Variants in POMGNT1 observed in about 807,000 individuals in gnomAD.
POMGNT1 encodes protein O-linked-mannose beta-1,2-N-acetylglucosaminyltransferase 1.
Under a neutral mutation model 95.6 loss-of-function variants are expected in POMGNT1, and 67 were observed. The observed-to-expected ratio is 0.70, with a 90% confidence interval of 0.58 to 0.86. The LOEUF is 0.86. Among genes scored for constraint, POMGNT1 ranks in the 40% least tolerant of loss-of-function variants. The pLI, the probability that POMGNT1 is intolerant of heterozygous loss-of-function variation, is 0.00. For missense variants in POMGNT1, 719 were observed against 855.2 expected (o/e 0.84, Z 1.99); for synonymous variants, 298 against 317.9 (o/e 0.94, Z 0.66).
intron 1 of POMGNT1, among the ~76,000 whole-genome samples, chr1:46,204,020 A>G (rs1264090047): frequency 6.6e-6 from 1 of 152,126 alleles, no homozygotes; most frequent in African/African-American, 2.4e-5. Flanking sequence ...TCCTTCTGCT[A>G]ACCGGGAAAG....
intron 13 of POMGNT1, 37 bp from the exon 14 acceptor site, chr1:46,192,995 T>C (rs755798327): frequency 5.5e-5 from 89 of 1,612,396 alleles, no homozygotes; most frequent in Non-Finnish European, 7.0e-5. Flanking sequence ...CCCAAAGGGG[T>C]CTCTCCATCC....
upstream of POMGNT1, among the ~76,000 whole-genome samples, chr1:46,200,034 G>C (rs998642900): frequency 5.9e-5 from 9 of 152,136 alleles, no homozygotes; most frequent in Non-Finnish European, 1.0e-4. Flanking sequence ...GCTGGGCGTG[G>C]TGACAGGCGC....
Position 46,193,306 on chromosome 1 carries a change from T to C in POMGNT1, c.1109A>G (p.Gln370Arg). 3 of 1,613,784 alleles carry C rather than the reference T, an allele frequency of 1.9e-6. No individual in the cohort carries two copies. The highest frequency in any genetic ancestry group is 2.5e-6 in the Non-Finnish European group (3 of 1,179,898). Residue 370 changes from glutamine to arginine, a missense_variant and splice_region_variant, in exon 12 of 22, where the codon CAG becomes CGG. By Grantham distance (43) the Gln-to-Arg change is conservative. This residue lies in a region of POMGNT1 where 466 missense variants were observed against 517.4 expected (regional missense o/e 0.90). Transcript: ENST00000371984. The stretch of plus-strand genomic sequence containing the variant: ...CATCCCCACTTGCCTATGCAGTACC[T>C]GAGACACGCGGGCATTCTTGATGCT... The part of the protein sequence containing the change: ...PISIKNARVS[Q>R]HYKASLTATF...
upstream of POMGNT1, chr1:46,203,318 C>A (rs941939208): frequency 2.2e-5 from 19 of 869,336 alleles, no homozygotes; most frequent in African/African-American, 3.2e-4. Context: ...CCGCGCCGCG[C>A]GGGCGGGGAC....
intron 10 of POMGNT1, 70 bp downstream of exon 10, chr1:46,193,785 T>C: frequency 6.2e-7 from 1 of 1,604,884 alleles, no homozygotes; most frequent in South Asian, 1.1e-5. Flanking sequence ...ACCTCAAGAG[T>C]TCCTCCTGGA....
chr1:46,193,708 C>T, intron 10 of POMGNT1, 69 bp from the exon 11 acceptor site: 11 of 1,609,084 alleles, frequency 6.8e-6, no homozygotes, highest in South Asian at 1.1e-5. Context: ...GTGTTTACAG[C>T]TGGGCCCAGA....
upstream of POMGNT1, among the ~76,000 whole-genome samples, chr1:46,199,102 C>T (rs559701026): frequency 1.3e-5 from 2 of 152,234 alleles, no homozygotes; most frequent in South Asian, 4.1e-4. Context: ...CCACCACACC[C>T]AGCTAATTTT....
At chr1:46,215,150 C>T (rs907874707) in intron 1 of POMGNT1, among the ~76,000 whole-genome samples, 21 of 148,130 alleles carry the variant, frequency 1.4e-4, no homozygotes, top group Non-Finnish European at 2.7e-4. Context: ...GGCGTGAACC[C>T]GGGAGGTGGA....
At position 46,212,569 on chromosome 1, in the gene POMGNT1, C is replaced by CCG. The variant is rs1209089830; in HGVS notation, c.-51+7135_-51+7136insCG. 3.4e-3 allele frequency among the ~76,000 whole-genome samples: 519 copies of CCG among 151,866 alleles called. 1 individual carries two copies. Among genetic ancestry groups the CCG allele is most frequent in the Non-Finnish European group, 5.7e-3 (388 of 67,936 alleles). On this transcript the variant is annotated intron_variant, in intron 1 of 22. Transcript: ENST00000371992. ...GTGCTGGGATTACAGGCGTGAGCCA[C>CCG]TGCACCCGGCCAAATTTTTTTTTTT...
At chr1:46,206,059 T>C (rs776545205) in intron 1 of POMGNT1, among the ~76,000 whole-genome samples, 2 of 152,232 alleles carry the variant, frequency 1.3e-5, no homozygotes, top group Non-Finnish European at 2.9e-5. Context: ...GACTGGGATA[T>C]GTGGGAATGG....
At position 46,196,148 on chromosome 1, in the gene POMGNT1, T is replaced by C; in HGVS notation, c.355-71A>G. On this transcript the variant is annotated intron_variant, in intron 4 of 21. Coordinates refer to ENST00000371984, the MANE Select transcript of POMGNT1 (RefSeq NM_017739.4). This position sits in a 1 kb window ranked among gnomAD's most constrained non-coding sequence, Gnocchi z 4.4. ...AAGGTGTCTCTGTCTTAGGGGTACT[T>C]AAAACACCAGCTGCTTGAAACATCA... 6.2e-7 allele frequency: 1 copy of C among 1,609,936 alleles called. No individual in the cohort carries two copies. The highest frequency in any genetic ancestry group is 8.5e-7 in the Non-Finnish European group (1 of 1,179,288).
In POMGNT1 at chr1:46,197,039, T is replaced by C. The variant is rs1163302067; in HGVS notation, c.166A>G (p.Lys56Glu). The C allele has an allele frequency of 6.2e-7, 1 of 1,614,134 alleles. No homozygotes were observed. Among genetic ancestry groups the C allele is most frequent in the East Asian group, 2.2e-5 (1 of 44,886 alleles). The change falls in exon 3 of 22, where the codon AAG (lysine) becomes GAG (glutamate). Residue 56 changes from lysine to glutamate, a missense_variant. By Grantham distance (56) the Lys-to-Glu change is moderately conservative. Transcript: ENST00000371984. The part of the protein sequence containing the change: ...FLLVTVIVNI[K>E]LILDTRRAIS... ...GCTCGCCGAGTGTCCAGGATCAACT[T>C]GATATTGACAATGACAGTCACCAGC... is the stretch of plus-strand genomic sequence containing the variant.
rs78022755 is a variant in POMGNT1 at position 46,196,201 on chromosome 1, G to T, written c.355-124C>A. On this transcript the variant is annotated intron_variant, in intron 4 of 21. Transcript: ENST00000371984. The surrounding 1 kb of genome is among the most constrained non-coding windows in gnomAD (Gnocchi z 4.4). ...TCCTGCCTATGTTTCTGTTCACACAGTTCTTTTCCAACTCAGCTCGAAGGC... is the reference window on the plus strand; with the variant it reads ...TCCTGCCTATGTTTCTGTTCACACATTTCTTTTCCAACTCAGCTCGAAGGC... 592 of 1,554,138 alleles carry T rather than the reference G, an allele frequency of 3.8e-4. 4 individuals carry two copies. The African/African-American group carries it at 6.5e-3, about 17-fold the overall frequency.
chr1:46,193,209 T>G lies in POMGNT1; in HGVS notation c.1117A>C (p.Lys373Gln), dbSNP rs752591703. Residue 373 changes from lysine to glutamine, a missense_variant, in exon 13 of 22, where the codon AAG (lysine) becomes CAG (glutamine). Lys to Gln is a moderately conservative substitution (Grantham distance 53). Transcript: ENST00000371984. ...IKNARVSQHYKASLTATFNLF... is the reference protein window; with the variant it reads ...IKNARVSQHYQASLTATFNLF... ...TTGAAAGTGGCAGTGAGGCTGGCCT[T>G]GTAGTGCTGGGAGTGGGGTGGGAAT... The G allele has an allele frequency of 6.2e-7, 1 of 1,614,168 alleles. No individual in the cohort carries two copies. Among genetic ancestry groups the G allele is most frequent in the Non-Finnish European group, 8.5e-7 (1 of 1,180,026 alleles).
Position 46,196,202 on chromosome 1 carries a change from T to C in POMGNT1, c.355-125A>G, listed in dbSNP as rs1571668127. 6.4e-6 allele frequency: 10 copies of C among 1,553,310 alleles called. No homozygotes were observed. In the East Asian group the frequency reaches 2.4e-4, roughly 37 times the overall value. On this transcript the variant is annotated intron_variant, in intron 4 of 21. Coordinates refer to ENST00000371984, the MANE Select transcript of POMGNT1 (RefSeq NM_017739.4). The surrounding 1 kb of genome is among the most constrained non-coding windows in gnomAD (Gnocchi z 4.4). Reference sequence around the variant, plus strand: ...CCTGCCTATGTTTCTGTTCACACAGTTCTTTTCCAACTCAGCTCGAAGGCC... The same window carrying C: ...CCTGCCTATGTTTCTGTTCACACAGCTCTTTTCCAACTCAGCTCGAAGGCC...
At chr1:46,220,298 A>G in exon 1 of POMGNT1, 1 of 1,427,382 alleles carries the variant, frequency 7.0e-7, no homozygotes, top group East Asian at 2.3e-5. Flanking sequence ...ATTCTCCCTC[A>G]GTCTGAGACT....
chr1:46,195,110 AAAT>A (rs1222280949), intron 6 of POMGNT1, 149 bp from the exon 7 acceptor site: 3 of 761,758 alleles, frequency 3.9e-6, no homozygotes, highest in Non-Finnish European at 4.5e-6. Flanking sequence ...TTCACAGATA[AAAT>A]AATAACTGAA....
rs1409443443 is a variant in POMGNT1 at position 46,188,778 on chromosome 1, T to C, written c.*492A>G. On this transcript the variant is annotated 3_prime_UTR_variant, in exon 22 of 22. Transcript: ENST00000371984. ...CTGAGAGGAGGCCTGGTCCAGTGTC[T>C]AAGGGTCTCTGAGTGAGTCTGTGTC... is the stretch of plus-strand genomic sequence containing the variant. 1.9e-6 allele frequency: 3 copies of C among 1,612,764 alleles called. No individual in the cohort carries two copies. Among genetic ancestry groups the C allele is most frequent in the Non-Finnish European group, 2.5e-6 (3 of 1,179,904 alleles).
rs553393661 is a variant in POMGNT1, at chr1:46,206,838, T to C, written c.-50-8967A>G. ...CACTGGGCCAAGCACCAGAAATGGA[T>C]TGGGCAGGATCTGCTCTCAGGGAGC... On this transcript the variant is annotated intron_variant, in intron 1 of 22. Coordinates refer to the POMGNT1 transcript ENST00000371992. Among the ~76,000 whole-genome samples the C allele has an allele frequency of 7.2e-5, 11 of 152,120 alleles. No individual in the cohort carries two copies. In the South Asian group the frequency reaches 2.3e-3, roughly 32 times the overall value.
Sources: gnomAD v4.1 joint callset for allele counts (sites outside exome capture counted in the v4.1 genomes callset) on GRCh38, gnomAD v4.1.1 for gene constraint, gnomAD v4.1.1 regional missense constraint, Gnocchi (gnomAD v3.1) non-coding constraint, MANE v1.5 for transcripts, NCBI Gene and HGNC (gene_info 2026-07-23, HGNC 2026-07-21) for gene names.